The following CHRM2 variants were observed in gnomAD, a reference collection of about 807,000 sequenced individuals.
CHRM2 encodes the protein muscarinic acetylcholine receptor M2.
In CHRM2, 8 loss-of-function variants were observed where a neutral mutation model predicts 25.0. That is an observed-to-expected ratio of 0.32 (90% CI 0.19 to 0.58). The LOEUF (loss-of-function observed/expected upper bound fraction) is 0.58, where lower values mean the gene tolerates loss of function less well. Ranked by LOEUF, CHRM2 falls within the 20% of genes least tolerant of loss-of-function variation. CHRM2 has a pLI of 0.88. For missense variants in CHRM2, 440 were observed against 567.1 expected, an observed-to-expected ratio of 0.78 and a Z score of 2.28; for synonymous variants, 202 against 205.7, an observed-to-expected ratio of 0.98 and a Z score of 0.15.
intron 2 of CHRM2, among the ~76,000 whole-genome samples, chr7:136,877,777 A>AT (rs1481945018): frequency 6.6e-6 from 1 of 152,032 alleles, no homozygotes. Context: ...ACCCTTAGTC[A>AT]TGCTGATGAT....
At chr7:136,898,645 G>A (rs527252204) in intron 2 of CHRM2, 1 of 152,002 alleles carries the variant, frequency 6.6e-6, no homozygotes, top group Non-Finnish European at 1.5e-5. Flanking sequence ...AGAAGTTGCT[G>A]ACCAGAAAGG....
At chr7:137,011,990 CT>C (rs1804856842) in intron 3 of CHRM2, among the ~76,000 whole-genome samples, 1 of 152,018 alleles carries the variant, frequency 6.6e-6, no homozygotes, top group African/African-American at 2.4e-5. Context: ...TGAATCCCTA[CT>C]TTTCAACATC....
intron 2 of CHRM2, among the ~76,000 whole-genome samples, chr7:136,886,890 T>C (rs1796489097): frequency 6.6e-6 from 1 of 151,896 alleles, no homozygotes; most frequent in Non-Finnish European, 1.5e-5. Context: ...AAAAAGAAAA[T>C]AATAATTCTA....
intron 2 of CHRM2, among the ~76,000 whole-genome samples, chr7:136,957,154 C>T (rs946328023): frequency 2.6e-5 from 4 of 152,162 alleles, no homozygotes; most frequent in Non-Finnish European, 4.4e-5. Flanking sequence ...AACTAACCTG[C>T]GGCAGGAGGC....
intron 2 of CHRM2, among the ~76,000 whole-genome samples, chr7:136,874,887 G>A (rs1453431311): frequency 2.0e-5 from 3 of 151,660 alleles, no homozygotes; most frequent in Non-Finnish European, 4.4e-5. Flanking sequence ...TTATGAAAAT[G>A]TTCTTATGGA....
chr7:136,923,108 T>C (rs1377098845), intron 2 of CHRM2, among the ~76,000 whole-genome samples: 1 of 152,158 alleles, frequency 6.6e-6, no homozygotes, highest in East Asian at 1.9e-4. Flanking sequence ...CATTATCAGA[T>C]CATTGTCATA....
chr7:136,938,285 G>T (rs1799537659), intron 2 of CHRM2: 4 of 1,017,854 alleles, frequency 3.9e-6, no homozygotes, highest in Non-Finnish European at 6.2e-6. Flanking sequence ...TTCAGCTGCC[G>T]CCTAAGGTTG....
At chr7:136,974,873 C>T (rs2130946519) in intron 2 of CHRM2, among the ~76,000 whole-genome samples, 1 of 152,072 alleles carries the variant, frequency 6.6e-6, no homozygotes, top group Middle Eastern at 3.4e-3. Context: ...TGTTGGGTGG[C>T]CTTTGAAGGT....
At chr7:136,913,916 T>C (rs1302298733) in intron 2 of CHRM2, among the ~76,000 whole-genome samples, 1 of 151,986 alleles carries the variant, frequency 6.6e-6, no homozygotes, top group Non-Finnish European at 1.5e-5. Flanking sequence ...ACTATATCTA[T>C]TCGGATTGAC....
intron 3 of CHRM2, 101 bp from the exon 4 acceptor site, chr7:137,014,719 G>T (rs529271826): frequency 2.6e-6 from 2 of 778,004 alleles, no homozygotes; most frequent in East Asian, 5.3e-5. Flanking sequence ...GGGGAAGGGA[G>T]ATTTGGGAGA....
intron 2 of CHRM2, among the ~76,000 whole-genome samples, chr7:136,969,371 G>A (rs570608028): frequency 6.6e-6 from 1 of 152,204 alleles, no homozygotes; most frequent in Non-Finnish European, 1.5e-5. Context: ...GGATTCACCT[G>A]ATTCCCGGTT....
intron 2 of CHRM2, among the ~76,000 whole-genome samples, chr7:136,909,936 T>C (rs1369942253): frequency 6.6e-6 from 1 of 151,850 alleles, no homozygotes; most frequent in South Asian, 2.1e-4. Flanking sequence ...AAAAGTGTTA[T>C]TGGTTGGATA....
At chr7:136,906,137 T>C (rs1349285522) in intron 2 of CHRM2, among the ~76,000 whole-genome samples, 1 of 150,756 alleles carries the variant, frequency 6.6e-6, no homozygotes, top group African/African-American at 2.4e-5. Context: ...ACACGTTTTG[T>C]GTGTATATAT....
intron 2 of CHRM2, among the ~76,000 whole-genome samples, chr7:136,940,086 C>G (rs563665480): frequency 6.6e-6 from 1 of 152,122 alleles, no homozygotes; most frequent in African/African-American, 2.4e-5. Context: ...TAAATGTAAG[C>G]AACATCAGTA....
At chr7:136,887,227 G>A (rs1335745620) in intron 2 of CHRM2, among the ~76,000 whole-genome samples, 2 of 152,034 alleles carry the variant, frequency 1.3e-5, no homozygotes, top group Non-Finnish European at 2.9e-5. Context: ...ATAACATCAT[G>A]TTGTATATCT....
chr7:136,922,812 T>C (rs1798523012), intron 2 of CHRM2, among the ~76,000 whole-genome samples: 1 of 152,202 alleles, frequency 6.6e-6, no homozygotes, highest in African/African-American at 2.4e-5. Context: ...TGCATTGTTT[T>C]TTCTTCTTTC....
intron 3 of CHRM2, among the ~76,000 whole-genome samples, chr7:136,999,269 G>T (rs1682331430): frequency 6.6e-6 from 1 of 152,028 alleles, no homozygotes; most frequent in Non-Finnish European, 1.5e-5. Context: ...AATGCACATG[G>T]GGCTTAATAA....
intron 2 of CHRM2, chr7:136,903,130 C>T (rs760566592): frequency 3.2e-5 from 17 of 533,852 alleles, no homozygotes; most frequent in Non-Finnish European, 5.4e-5. Context: ...TTTTATTCTT[C>T]AACCAACGGT....
intron 2 of CHRM2, among the ~76,000 whole-genome samples, chr7:136,876,847 C>T (rs1411234359): frequency 5.3e-5 from 8 of 151,934 alleles, no homozygotes; most frequent in African/African-American, 1.7e-4. Context: ...ATTCATGTCA[C>T]CAGGTATAGT....
Sources: allele counts gnomAD v4.1 joint callset (sites outside exome capture counted in the v4.1 genomes callset), GRCh38; gene constraint gnomAD v4.1.1; transcripts MANE v1.5; gene names NCBI Gene and HGNC (gene_info 2026-07-23, HGNC 2026-07-21).